Variants in CACNA1C observed in about 807,000 individuals in gnomAD.
The protein encoded by CACNA1C is calcium voltage-gated channel subunit alpha1 C.
In CACNA1C, 30 loss-of-function variants were observed where a neutral mutation model predicts 229.0. The ratio of observed to expected loss-of-function variants is 0.13; its 90% CI spans 0.10 to 0.18. The LOEUF is 0.18. Among genes scored for constraint, CACNA1C ranks in the 10% least tolerant of loss-of-function variants. The probability of loss-of-function intolerance (pLI) is 1.00; values close to 1 mark genes in which losing one functional copy is unlikely to be tolerated. For missense variants in CACNA1C, 1,658 were observed against 2,845.0 expected, an observed-to-expected ratio of 0.58 and a Z score of 9.49; for synonymous variants, 1,114 against 1,132.5, an observed-to-expected ratio of 0.98 and a Z score of 0.33.
chr12:2,669,300 G>A (rs1458896791), intron 38 of CACNA1C, among the ~76,000 whole-genome samples: 1 of 151,892 alleles, frequency 6.6e-6, no homozygotes, highest in Admixed American at 6.6e-5. Context: ...AATTGTCTTG[G>A]GCCACACATA....
chr12:2,182,239 C>T (rs2096864375), intron 3 of CACNA1C, among the ~76,000 whole-genome samples: 1 of 151,540 alleles, frequency 6.6e-6, no homozygotes, highest in Non-Finnish European at 1.5e-5. Flanking sequence ...GTGAGCAAAT[C>T]AGGTAATACT....
intron 3 of CACNA1C, among the ~76,000 whole-genome samples, chr12:2,268,166 T>C (rs141820577): frequency 9.9e-5 from 15 of 152,184 alleles, no homozygotes; most frequent in African/African-American, 3.4e-4. Flanking sequence ...TCACTTCAGG[T>C]GGTTTCTGAA....
chr12:2,494,256 T>C (rs534571169), intron 7 of CACNA1C, among the ~76,000 whole-genome samples: 32 of 152,362 alleles, frequency 2.1e-4, no homozygotes, highest in African/African-American at 7.7e-4. Flanking sequence ...TGCTGCGCTT[T>C]GAGCCTCTGA....
Position 2,067,475 on chromosome 12 carries a change from TGTGTGTGC to T in CACNA1C, c.49+13866_49+13873del, listed in dbSNP as rs1565478142. ...GTGTGTGTGTGTGTGTGTGTGTGTGTGTGTGTGCGCGCGTGTGCGTGCCTGTATGTAAG... is the reference window on the plus strand; with the variant it reads ...GTGTGTGTGTGTGTGTGTGTGTGTGTGCGCGTGTGCGTGCCTGTATGTAAG... On this transcript the variant is annotated intron_variant, in intron 1 of 46. Coordinates refer to ENST00000399655, the MANE Select transcript of CACNA1C (RefSeq NM_000719.7). This position sits in a 1 kb window ranked among gnomAD's most constrained non-coding sequence, Gnocchi z 5.3. 3.0e-5 allele frequency among the ~76,000 whole-genome samples: 4 copies of T among 134,180 alleles called. No homozygotes were observed. Among genetic ancestry groups the T allele is most frequent in the South Asian group, 5.1e-4 (2 of 3,946 alleles). The allele number at this position is 134,180 out of a possible 152,430, so 88.0% of individuals were successfully genotyped here. A position where few individuals can be genotyped will look rare whatever the true frequency, so the allele number is the denominator to read the frequency against.
At chr12:2,199,650 C>G (rs1191447138) in intron 3 of CACNA1C, among the ~76,000 whole-genome samples, 1 of 152,098 alleles carries the variant, frequency 6.6e-6, no homozygotes, top group African/African-American at 2.4e-5. Flanking sequence ...CCAGTCCCCA[C>G]ATTGTTTAGG....
chr12:2,004,237 C>T (rs1339342999), intron 1 of CACNA1C: 5 of 1,609,224 alleles, frequency 3.1e-6, no homozygotes, highest in Non-Finnish European at 1.7e-6. Context: ...CCCCCCGCCT[C>T]CACCCCAACC....
At chr12:2,588,377 G>A (rs899003178) in intron 18 of CACNA1C, among the ~76,000 whole-genome samples, 113 of 152,316 alleles carry the variant, frequency 7.4e-4, no homozygotes, top group African/African-American at 2.6e-3. Context: ...AGAAAGGGCC[G>A]GTGTCAGGGA....
intron 1 of CACNA1C, among the ~76,000 whole-genome samples, chr12:2,033,153 T>A (rs2048511995): frequency 6.6e-6 from 1 of 152,054 alleles, no homozygotes; most frequent in Non-Finnish European, 1.5e-5. Flanking sequence ...GGGAGGTGCT[T>A]GATTCTCCAT....
At chr12:2,035,138 G>C (rs891550708) in intron 1 of CACNA1C, among the ~76,000 whole-genome samples, 3 of 152,146 alleles carry the variant, frequency 2.0e-5, no homozygotes, top group Non-Finnish European at 2.9e-5. Flanking sequence ...CCCCTGCGCC[G>C]GCGCGTGTGC....
chr12:2,324,808 G>A (rs565023420), intron 3 of CACNA1C, among the ~76,000 whole-genome samples: 2 of 152,304 alleles, frequency 1.3e-5, no homozygotes, highest in African/African-American at 4.8e-5. Context: ...GGGCCTCTCG[G>A]GGGGTTTGCT....
In CACNA1C at chr12:2,654,685, A is replaced by G. The variant is rs1468781839; in HGVS notation, c.4141-462A>G. ...AGTTTCTAAGATAAGCACAGCTTTA[A>G]AAGACCAGGAAGAAAAGGGATTTCA... On this transcript the variant is annotated intron_variant, in intron 33 of 46. Coordinates refer to ENST00000399655, the MANE Select transcript of CACNA1C (RefSeq NM_000719.7). This position sits in a 1 kb window ranked among gnomAD's most constrained non-coding sequence, Gnocchi z 4.4. Among the ~76,000 whole-genome samples, 1 of 152,258 alleles carries G rather than the reference A, an allele frequency of 6.6e-6. No individual in the cohort carries two copies. Among genetic ancestry groups the G allele is most frequent in the Non-Finnish European group, 1.5e-5 (1 of 68,044 alleles).
chr12:2,173,579 C>G (rs1234906603), intron 3 of CACNA1C, among the ~76,000 whole-genome samples: 1 of 152,132 alleles, frequency 6.6e-6, no homozygotes, highest in African/African-American at 2.4e-5. Context: ...GATGCATGCT[C>G]TATGTGCAGT....
At chr12:2,196,080 C>A (rs1175754547) in intron 3 of CACNA1C, among the ~76,000 whole-genome samples, 1 of 152,222 alleles carries the variant, frequency 6.6e-6, no homozygotes, top group African/African-American at 2.4e-5. Flanking sequence ...ATCCTTCAGC[C>A]TCTCTTCCAA....
At chr12:2,198,314 C>T (rs908915825) in intron 3 of CACNA1C, among the ~76,000 whole-genome samples, 4 of 152,194 alleles carry the variant, frequency 2.6e-5, no homozygotes, top group African/African-American at 7.2e-5. Flanking sequence ...TGCCTCCCCC[C>T]GGAGAGGCGG....
At chr12:2,590,679 A>C (rs1241100473) in intron 18 of CACNA1C, among the ~76,000 whole-genome samples, 1 of 152,216 alleles carries the variant, frequency 6.6e-6, no homozygotes, top group East Asian at 1.9e-4. Context: ...GGAGCTTCAT[A>C]AACGGGGGGG....
chr12:2,542,781 A>G (rs974286493), intron 9 of CACNA1C, among the ~76,000 whole-genome samples: 5 of 152,228 alleles, frequency 3.3e-5, no homozygotes, highest in Non-Finnish European at 7.3e-5. Flanking sequence ...CTCTTGAGAC[A>G]TAGAAATAGT....
rs1353433133 is a variant in CACNA1C, at chr12:2,605,122, G to A, written c.3002G>A (p.Arg1001Gln). The A allele has an allele frequency of 6.2e-7, 1 of 1,613,836 alleles. No individual in the cohort carries two copies. The highest frequency in any genetic ancestry group is 8.5e-7 in the Non-Finnish European group (1 of 1,179,798). ...INVVKILRVL[R>Q]VLRPLRAINR... Reference sequence around the variant, plus strand: ...GTCGTGAAGATCTTGCGAGTCCTGCGAGTACTCAGGCCCCTGAGGGCCATC... The same window carrying A: ...GTCGTGAAGATCTTGCGAGTCCTGCAAGTACTCAGGCCCCTGAGGGCCATC... Residue 1001 changes from arginine (R) to glutamine (Q), a missense_variant, in exon 23 of 47, where the codon CGA becomes CAA. Arg to Gln is a conservative substitution (Grantham distance 43, BLOSUM62 1). This residue lies in a region of CACNA1C where 39 missense variants were observed against 143.3 expected (regional missense o/e 0.27). Transcript: ENST00000399655. The surrounding 1 kb of genome is among the most constrained non-coding windows in gnomAD (Gnocchi z 6.2).
At chr12:2,115,647 T>G in intron 2 of CACNA1C, 102 bp downstream of exon 2, 1 of 1,154,124 alleles carries the variant, frequency 8.7e-7, no homozygotes, top group Non-Finnish European at 1.3e-6. Flanking sequence ...TGTGCTGGGC[T>G]ACAAACGGGG....
In CACNA1C at chr12:2,067,256, C is replaced by T. The variant is rs922308000; in HGVS notation, c.49+13645C>T. ...TTAGTGGGAGTCAGGGAGTCTGAAT[C>T]CCCCAGCCTGCCTCCATCCCAGGTG... On this transcript the variant is annotated intron_variant, in intron 1 of 46. Coordinates refer to ENST00000399655, the MANE Select transcript of CACNA1C (RefSeq NM_000719.7). This position sits in a 1 kb window ranked among gnomAD's most constrained non-coding sequence, Gnocchi z 5.3. Among the ~76,000 whole-genome samples the T allele has an allele frequency of 2.6e-5, 4 of 151,998 alleles. No homozygotes were observed. Among genetic ancestry groups the T allele is most frequent in the Non-Finnish European group, 5.9e-5 (4 of 67,988 alleles).
Sources: gnomAD v4.1 joint callset for allele counts (sites outside exome capture counted in the v4.1 genomes callset) on GRCh38, gnomAD v4.1.1 for gene constraint, gnomAD v4.1.1 regional missense constraint, Gnocchi (gnomAD v3.1) non-coding constraint, MANE v1.5 for transcripts, NCBI Gene and HGNC (gene_info 2026-07-23, HGNC 2026-07-21) for gene names.